Variants in HIVEP3 observed in about 807,000 individuals in gnomAD.
HIVEP3 encodes the protein transcription factor HIVEP3.
Under a neutral mutation model 152.8 loss-of-function variants are expected in HIVEP3, and 49 were observed. The ratio of observed to expected loss-of-function variants is 0.32; its 90% CI spans 0.26 to 0.41. The LOEUF (loss-of-function observed/expected upper bound fraction) is 0.41. HIVEP3 is among the 10% of genes least tolerant of loss of function. The pLI, the probability that HIVEP3 is intolerant of heterozygous loss-of-function variation, is 1.00. For synonymous variants in HIVEP3, 1,269 were observed against 1,289.0 expected (o/e 0.98, Z 0.33); for missense variants, 2,790 against 3,103.3 (o/e 0.90, Z 2.40).
At chr1:41,939,848 T>G (rs528913271) in intron 1 of HIVEP3, among the ~76,000 whole-genome samples, 2 of 152,316 alleles carry the variant, frequency 1.3e-5, no homozygotes, top group South Asian at 4.1e-4. Flanking sequence ...GCTAAATATA[T>G]GTCTTCCCTC....
chr1:41,703,870 T>C (rs1219932100), intron 1 of HIVEP3, among the ~76,000 whole-genome samples: 4 of 152,214 alleles, frequency 2.6e-5, no homozygotes, highest in Non-Finnish European at 4.4e-5. Context: ...TGCTCACAGA[T>C]CTAGGCGGGA....
intron 2 of HIVEP3, among the ~76,000 whole-genome samples, chr1:41,700,263 G>C (rs1646341227): frequency 6.6e-6 from 1 of 152,192 alleles, no homozygotes; most frequent in Non-Finnish European, 1.5e-5. Context: ...AGAGGATAGA[G>C]CACAACAGGC....
chr1:41,649,357 G>A (rs867511622), intron 2 of HIVEP3, among the ~76,000 whole-genome samples: 91 of 152,350 alleles, frequency 6.0e-4, no homozygotes, highest in African/African-American at 2.1e-3. Flanking sequence ...CTGCGGGGCA[G>A]GGCCCAGGAA....
chr1:41,931,105 C>G (rs1286117196), intron 1 of HIVEP3, among the ~76,000 whole-genome samples: 1 of 151,978 alleles, frequency 6.6e-6, no homozygotes. Context: ...TTTCACAGAG[C>G]AAAATTTTTA....
At chr1:41,835,768 G>A (rs559819894) in intron 1 of HIVEP3, among the ~76,000 whole-genome samples, 1 of 152,314 alleles carries the variant, frequency 6.6e-6, no homozygotes, top group Admixed American at 6.5e-5. Flanking sequence ...CAGGGAAAGT[G>A]CATTTTAACA....
chr1:41,794,928 AATTT>A (rs1436147287), intron 1 of HIVEP3, among the ~76,000 whole-genome samples: 1 of 152,132 alleles, frequency 6.6e-6, no homozygotes, highest in Admixed American at 6.6e-5. Context: ...CAAAACTAGA[AATTT>A]ATTTATTTAT....
At chr1:41,603,952 A>G (rs535133313) in intron 3 of HIVEP3, among the ~76,000 whole-genome samples, 51 of 152,360 alleles carry the variant, frequency 3.3e-4, no homozygotes, top group African/African-American at 1.2e-3. Context: ...TGCTCAATAC[A>G]ATTTTGTCAT....
chr1:41,666,871 CTCTGCACTATCCCCA>C (rs1414420245), intron 2 of HIVEP3, among the ~76,000 whole-genome samples: 1 of 152,234 alleles, frequency 6.6e-6, no homozygotes, highest in Non-Finnish European at 1.5e-5. Context: ...ACCTCCCTCT[CTCTGCACTATCCCCA>C]TCCACCCTAT....
chr1:41,825,001 T>A (rs985615594), intron 1 of HIVEP3, among the ~76,000 whole-genome samples: 19 of 151,752 alleles, frequency 1.3e-4, no homozygotes, highest in Non-Finnish European at 2.4e-4. Flanking sequence ...GCCTCCCGAG[T>A]AGATGGGATT....
chr1:41,570,401 A>G (rs1052337979), intron 5 of HIVEP3, among the ~76,000 whole-genome samples: 1 of 152,216 alleles, frequency 6.6e-6, no homozygotes, highest in Non-Finnish European at 1.5e-5. Context: ...TTCTGGTGAC[A>G]GTGCATGAGT....
chr1:41,519,797 TAAG>T (rs970108766), intron 6 of HIVEP3, among the ~76,000 whole-genome samples: 1 of 152,000 alleles, frequency 6.6e-6, no homozygotes, highest in African/African-American at 2.4e-5. Flanking sequence ...GATGAGCAGA[TAAG>T]GAGATGAATA....
At chr1:41,919,317 C>T (rs12092914), upstream of HIVEP3, among the ~76,000 whole-genome samples, 7,987 of 152,196 alleles carry the variant, frequency 0.052, 652 homozygotes, top group African/African-American at 0.17. Context: ...CACACCTCAC[C>T]AGCCTCTGGC....
At chr1:41,989,789 A>G (rs1645346326) in intron 1 of HIVEP3, among the ~76,000 whole-genome samples, 1 of 150,756 alleles carries the variant, frequency 6.6e-6, no homozygotes, top group Non-Finnish European at 1.5e-5. Context: ...ATCTTCCTCC[A>G]TCCTTTTATT....
chr1:41,582,128 G>A lies in HIVEP3; in HGVS notation c.2670C>T (p.Ser890=). The change falls in exon 4 of 9, where the codon AGC becomes AGT. Residue 890 remains serine, a synonymous_variant. Transcript: ENST00000372583. This position sits in a 1 kb window ranked among gnomAD's most constrained non-coding sequence, Gnocchi z 4.7. Reference sequence around the variant, plus strand: ...CAGCTGGGAGCTGGGCAAGTGTCTGGCTGCGCTGGGGCCATTGGAACTCCT... The same window carrying A: ...CAGCTGGGAGCTGGGCAAGTGTCTGACTGCGCTGGGGCCATTGGAACTCCT... ...KTEEFQWPQR[S]QTLAQLPAEK... 7.4e-6 allele frequency: 12 copies of A among 1,614,116 alleles called. No individual in the cohort carries two copies. Among genetic ancestry groups the A allele is most frequent in the African/African-American group, 1.3e-5 (1 of 75,024 alleles).
chr1:41,806,773 G>A (rs1650644028), intron 1 of HIVEP3, among the ~76,000 whole-genome samples: 1 of 152,212 alleles, frequency 6.6e-6, no homozygotes, highest in Non-Finnish European at 1.5e-5. Flanking sequence ...TGGGACTCCA[G>A]AGGGAAGGGG....
intron 7 of HIVEP3, among the ~76,000 whole-genome samples, chr1:41,514,639 C>T (rs1049347387): frequency 5.3e-5 from 8 of 152,244 alleles, no homozygotes; most frequent in African/African-American, 1.9e-4. Context: ...CCTCCCATTG[C>T]CTGCCAGCCC....
Position 41,658,681 on chromosome 1 carries a change from G to A in HIVEP3, c.-720-29734C>T, listed in dbSNP as rs144323843. 6.6e-5 allele frequency among the ~76,000 whole-genome samples: 10 copies of A among 152,310 alleles called. No individual in the cohort carries two copies. The South Asian group carries it at 8.3e-4, about 13-fold the overall frequency. On this transcript the variant is annotated intron_variant, in intron 2 of 8. Coordinates refer to ENST00000372583, the MANE Select transcript of HIVEP3 (RefSeq NM_024503.5). ...GTGGCCTGGGTGAGCCTGCGGCAGT[G>A]TGTGGCAGTGTCTGCACTCTTTCCA...
chr1:41,875,531 T>C (rs572173274), intron 1 of HIVEP3, among the ~76,000 whole-genome samples: 1 of 152,384 alleles, frequency 6.6e-6, no homozygotes, highest in South Asian at 2.1e-4. Context: ...TGGTTTCCTC[T>C]GGCATCTCCA....
chr1:41,999,661 G>T (rs1645415930), intron 1 of HIVEP3, among the ~76,000 whole-genome samples: 1 of 152,184 alleles, frequency 6.6e-6, no homozygotes. Flanking sequence ...CAAGATCAAA[G>T]ATGATTGCAG....
Sources: gnomAD v4.1 joint callset for allele counts (sites outside exome capture counted in the v4.1 genomes callset) on GRCh38, gnomAD v4.1.1 for gene constraint, Gnocchi (gnomAD v3.1) non-coding constraint, MANE v1.5 for transcripts, NCBI Gene and HGNC (gene_info 2026-07-23, HGNC 2026-07-21) for gene names.